SMARCB1: variants seen among roughly 807,000 people sequenced by gnomAD.
SMARCB1 encodes the protein SWI/SNF-related matrix-associated actin-dependent regulator of chromatin subfamily B member 1.
Under a neutral mutation model 49.0 loss-of-function variants are expected in SMARCB1, and 5 were observed. The observed-to-expected ratio is 0.10, with a 90% CI of 0.05 to 0.21. The LOEUF is 0.21. Ranked by LOEUF, SMARCB1 falls within the 10% of genes least tolerant of loss-of-function variation. The probability of loss-of-function intolerance (pLI) is 1.00; values close to 1 mark genes in which losing one functional copy is unlikely to be tolerated. For synonymous variants in SMARCB1, 201 were observed against 200.1 expected (o/e 1.00, Z -0.04); for missense variants, 226 against 509.2 (o/e 0.44, Z 5.35).
At position 23,837,827 on chromosome 22, in the gene SMARCB1, A is replaced by C. The variant is rs765369510; in HGVS notation, c.*3647A>C. ...ATGGCCATGAGGGCCTGGCCCAGGA[A>C]GAACAGGCTGCCCAGGAGTCCCAGC... On this transcript the variant is annotated 3_prime_UTR_variant, in exon 9 of 9. Coordinates refer to ENST00000644036, the MANE Select transcript of SMARCB1 (RefSeq NM_003073.5). 6.8e-6 allele frequency: 11 copies of C among 1,613,364 alleles called. No homozygotes were observed. Among genetic ancestry groups the C allele is most frequent in the Non-Finnish European group, 8.5e-6 (10 of 1,179,732 alleles).
In SMARCB1 at chr22:23,836,661, G is replaced by C. The variant is rs146532594; in HGVS notation, c.*2481G>C. ...TGCAGTTGGGCTGAGAGGCCACACTGAGTGAGGACGGGGCAGGCATAGAAG... is the reference window on the plus strand; with the variant it reads ...TGCAGTTGGGCTGAGAGGCCACACTCAGTGAGGACGGGGCAGGCATAGAAG... On this transcript the variant is annotated 3_prime_UTR_variant, in exon 9 of 9. Coordinates refer to ENST00000644036, the MANE Select transcript of SMARCB1 (RefSeq NM_003073.5). 545 of 1,267,696 alleles carry C rather than the reference G, an allele frequency of 4.3e-4. 4 individuals are homozygous for C. The African/African-American group carries it at 7.6e-3, about 18-fold the overall frequency. The allele number at this position is 1,267,696 out of a possible 1,614,324, so 78.5% of individuals were successfully genotyped here.
In SMARCB1 at chr22:23,816,862, A is replaced by G; in HGVS notation, c.721A>G (p.Ile241Val). ...LTFVPAIASA[I>V]RQQIESYPTD... is the part of the protein sequence containing the mutation. ...GTTTGTGCCAGCCATCGCCTCTGCC[A>G]TCAGACAGCAGATCGAGTCCTACCC... The change falls in exon 6 of 9, where the codon ATC becomes GTC. Residue 241 changes from isoleucine to valine, a missense_variant. By Grantham distance (29) the Ile-to-Val change is conservative. Transcript: ENST00000644036. 6.2e-7 allele frequency: 1 copy of G among 1,613,932 alleles called. No individual in the cohort carries two copies. Among genetic ancestry groups the G allele is most frequent in the Non-Finnish European group, 8.5e-7 (1 of 1,179,796 alleles).
intron 3 of SMARCB1, among the ~76,000 whole-genome samples, chr22:23,794,659 G>A (rs768733860): frequency 7.9e-5 from 12 of 152,236 alleles, no homozygotes; most frequent in Non-Finnish European, 1.3e-4. Context: ...AGCAGTTTGG[G>A]AGGCCGAGGT....
In SMARCB1 at chr22:23,837,922, G is replaced by A. The variant is rs1272395583; in HGVS notation, c.*3742G>A. ...GCCCAGGGCCCCTCTGACTTCCCAA[G>A]ACCCTGGAATTCTTCCCCTCATCTC... On this transcript the variant is annotated 3_prime_UTR_variant, in exon 9 of 9. Transcript: ENST00000644036. 1.4e-6 allele frequency: 2 copies of A among 1,475,266 alleles called. No individual in the cohort carries two copies. The highest frequency in any genetic ancestry group is 2.4e-5 in the East Asian group (1 of 42,002). 91.4% of individuals were successfully genotyped at this position (1,475,266 alleles called of 1,614,324 possible).
At chr22:23,792,368 C>G (rs955075652) in intron 2 of SMARCB1, 21 of 306,644 alleles carry the variant, frequency 6.8e-5, no homozygotes, top group Non-Finnish European at 1.1e-4. Context: ...ATGTGCATGT[C>G]CCTGCTCCTG....
At chr22:23,833,505 A>T (rs1458002926) in intron 7 of SMARCB1, 67 bp from the exon 8 acceptor site, 7 of 1,609,152 alleles carry the variant, frequency 4.4e-6, no homozygotes, top group African/African-American at 2.7e-5. Context: ...CAGGGGCCAA[A>T]GCTTTCTGAG....
intron 5 of SMARCB1, among the ~76,000 whole-genome samples, chr22:23,809,919 C>G (rs969019698): frequency 6.6e-6 from 1 of 151,696 alleles, no homozygotes; most frequent in Admixed American, 6.6e-5. Flanking sequence ...GCCTGTAATC[C>G]CTGCACTTTG....
At chr22:23,793,714 T>G (rs758056192) in intron 3 of SMARCB1, 26 bp downstream of exon 3, 1 of 1,613,006 alleles carries the variant, frequency 6.2e-7, no homozygotes, top group Non-Finnish European at 8.5e-7. Flanking sequence ...CCAGGGCATC[T>G]CTGGGGACAC....
rs756129754 is a variant in SMARCB1 at position 23,834,167 on chromosome 22, C to A, written c.1145C>A (p.Ala382Asp). Reference protein sequence around the residue: ...TRRMRRLANTAPAW With the variant: ...TRRMRRLANTDPAW ...CGGATGAGGCGTCTTGCCAACACGG[C>A]CCCGGCCTGGTAACCAGCCCATCAG... Residue 382 changes from alanine to aspartate, a missense_variant, in exon 9 of 9, where the codon GCC becomes GAC. Transcript: ENST00000644036. 6.3e-7 allele frequency: 1 copy of A among 1,593,190 alleles called. No individual in the cohort carries two copies.
intron 5 of SMARCB1, among the ~76,000 whole-genome samples, chr22:23,808,094 T>C (rs1929624015): frequency 6.6e-6 from 1 of 151,238 alleles, no homozygotes; most frequent in Non-Finnish European, 1.5e-5. Context: ...TAGCTGGGAC[T>C]ACAGGCGCCT....
Position 23,835,582 on chromosome 22 carries a change from C to G in SMARCB1, c.*1402C>G. 1.0e-6 allele frequency: 1 copy of G among 985,510 alleles called. No individual in the cohort carries two copies. Among genetic ancestry groups the G allele is most frequent in the African/African-American group, 1.7e-5 (1 of 57,382 alleles). The allele number at this position is 985,510 out of a possible 1,614,324, so 61.0% of individuals were successfully genotyped here. ...TGCACTCAGGGCCTCTGCCCTCCATCAAAGAGTGGAACTCCCCAGAGCCCC... is the reference window on the plus strand; with the variant it reads ...TGCACTCAGGGCCTCTGCCCTCCATGAAAGAGTGGAACTCCCCAGAGCCCC... On this transcript the variant is annotated 3_prime_UTR_variant, in exon 9 of 9. Coordinates refer to ENST00000644036, the MANE Select transcript of SMARCB1 (RefSeq NM_003073.5).
In SMARCB1 at chr22:23,837,088, C is replaced by T. The variant is rs1411836242; in HGVS notation, c.*2908C>T. 2.5e-6 allele frequency: 4 copies of T among 1,613,858 alleles called. No individual in the cohort carries two copies. Among genetic ancestry groups the T allele is most frequent in the African/African-American group, 1.3e-5 (1 of 74,920 alleles). On this transcript the variant is annotated 3_prime_UTR_variant, in exon 9 of 9. Transcript: ENST00000644036. ...CAGGAAGCCAGGGGTCTGCAGGAGC[C>T]TCTTGCCTCCAGGCTGGTTGGGGAA... is the stretch of plus-strand genomic sequence containing the variant.
Position 23,834,500 on chromosome 22 carries a change from A to G in SMARCB1, c.*320A>G, listed in dbSNP as rs1367157272. 9.8e-6 allele frequency: 5 copies of G among 507,620 alleles called. No homozygotes were observed. The highest frequency in any genetic ancestry group is 3.0e-5 in the East Asian group (1 of 33,178). The allele number at this position is 507,620 out of a possible 1,614,324, so 31.4% of individuals were successfully genotyped here. A position where few individuals can be genotyped will look rare whatever the true frequency, so the allele number is the denominator to read the frequency against. On this transcript the variant is annotated 3_prime_UTR_variant, in exon 9 of 9. Coordinates refer to ENST00000644036, the MANE Select transcript of SMARCB1 (RefSeq NM_003073.5). ...GTTTTTAAATAAAAGGCAACAGGTC[A>G]TGTTCAATTTCTTCAACAGGTCATG... is the stretch of plus-strand genomic sequence containing the variant.
chr22:23,805,736 C>T lies in SMARCB1; in HGVS notation c.628+2314C>T, dbSNP rs148799570. Among the ~76,000 whole-genome samples the T allele has an allele frequency of 4.2e-3, 641 of 152,324 alleles. 1 individual carries two copies. Among genetic ancestry groups the T allele is most frequent in the African/African-American group, 0.015 (614 of 41,580 alleles). On this transcript the variant is annotated intron_variant, in intron 5 of 8. Coordinates refer to ENST00000644036, the MANE Select transcript of SMARCB1 (RefSeq NM_003073.5). ...GTCAAGCTGGTCTCAAACTCCTGAC[C>T]TCAGGTGATCCGCCCGCCTTGGCCT...
At chr22:23,811,328 C>T (rs1006883837) in intron 5 of SMARCB1, among the ~76,000 whole-genome samples, 2 of 152,184 alleles carry the variant, frequency 1.3e-5, no homozygotes, top group Admixed American at 6.5e-5. Context: ...CCTCTCTCAA[C>T]AACCGATGGA....
In SMARCB1 at chr22:23,825,363, G is replaced by A. The variant is rs749348930; in HGVS notation, c.934G>A (p.Ala312Thr). 6 of 1,613,974 alleles carry A rather than the reference G, an allele frequency of 3.7e-6. No individual in the cohort carries two copies. The highest frequency in any genetic ancestry group is 3.3e-5 in the Admixed American group (2 of 60,002). ...GLGGEFVTTI[A>T]YSIRGQLSWH... ...GGGCGGGGAGTTTGTCACCACCATC[G>A]CATACAGCATCCGGGGACAGCTGAG... is the stretch of plus-strand genomic sequence containing the variant. The change falls in exon 7 of 9, where the codon GCA (alanine) becomes ACA (threonine). Residue 312 changes from alanine (A) to threonine (T), a missense_variant. Physicochemically the swap from Ala to Thr is moderately conservative, Grantham distance 58. Transcript: ENST00000644036.
At position 23,801,044 on chromosome 22, in the gene SMARCB1, C is replaced by T. The variant is rs1458920579; in HGVS notation, c.463C>T (p.Arg155Cys). ...VPCSTTINRNRMGRDKKRTFP... is the reference protein window; with the variant it reads ...VPCSTTINRNCMGRDKKRTFP... ...ATGCTCCACAACCATCAACAGGAAC[C>T]GCATGGGCCGAGACAAGAAGAGAAC... The change falls in exon 4 of 9, where the codon CGC becomes TGC. Residue 155 changes from arginine (R) to cysteine (C), a missense_variant. Arg to Cys is a radical substitution (Grantham distance 180). Coordinates refer to ENST00000644036, the MANE Select transcript of SMARCB1 (RefSeq NM_003073.5). 1.9e-6 allele frequency: 3 copies of T among 1,614,052 alleles called. No individual in the cohort carries two copies. Among genetic ancestry groups the T allele is most frequent in the African/African-American group, 1.3e-5 (1 of 74,912 alleles).
intron 5 of SMARCB1, among the ~76,000 whole-genome samples, chr22:23,810,447 G>C (rs1373530537): frequency 7.2e-6 from 1 of 139,604 alleles, no homozygotes; most frequent in Non-Finnish European, 1.5e-5. Flanking sequence ...AGAGTCACTT[G>C]AACCTGGGAG....
rs1253696720 is a variant in SMARCB1 at position 23,835,598 on chromosome 22, C to G, written c.*1418C>G. On this transcript the variant is annotated 3_prime_UTR_variant, in exon 9 of 9. Coordinates refer to ENST00000644036, the MANE Select transcript of SMARCB1 (RefSeq NM_003073.5). ...GCCCTCCATCAAAGAGTGGAACTCC[C>G]CAGAGCCCCATGCACAGCAAGGGGA... The G allele has an allele frequency of 1.0e-6, 1 of 985,374 alleles. No individual in the cohort carries two copies. Among genetic ancestry groups the G allele is most frequent in the Non-Finnish European group, 1.2e-6 (1 of 829,950 alleles). The allele number at this position is 985,374 out of a possible 1,614,324, so 61.0% of individuals were successfully genotyped here. A position where few individuals can be genotyped will look rare whatever the true frequency, so the allele number is the denominator to read the frequency against.
Sources: gnomAD v4.1 joint callset for allele counts (sites outside exome capture counted in the v4.1 genomes callset) on GRCh38, gnomAD v4.1.1 for gene constraint, MANE v1.5 for transcripts, NCBI Gene and HGNC (gene_info 2026-07-23, HGNC 2026-07-21) for gene names.